Variants in KANSL1L observed in about 807,000 individuals in gnomAD.
KANSL1L encodes KAT8 regulatory NSL complex subunit 1 like, also known as KAT8 regulatory NSL complex subunit 1-like protein.
A neutral mutation model predicts 108.6 loss-of-function variants in KANSL1L; 25 were observed. The ratio of observed to expected loss-of-function variants is 0.23; its 90% CI spans 0.17 to 0.32. The LOEUF (loss-of-function observed/expected upper bound fraction) is 0.32, where lower values mean the gene tolerates loss of function less well. Ranked by LOEUF, KANSL1L falls within the 10% of genes least tolerant of loss-of-function variation. The pLI is 1.00. For missense variants in KANSL1L, 1,137 were observed against 1,125.7 expected (o/e 1.01, Z -0.14); for synonymous variants, 405 against 395.1 (o/e 1.03, Z -0.30).
chr2:210,047,425 C>T (rs900519292), intron 6 of KANSL1L, among the ~76,000 whole-genome samples: 4 of 152,140 alleles, frequency 2.6e-5, no homozygotes, highest in Non-Finnish European at 5.9e-5. Context: ...TTTCTACCTT[C>T]CACAAGACAC....
At chr2:210,172,319 C>A (rs764880679), upstream of KANSL1L, among the ~76,000 whole-genome samples, 13 of 152,136 alleles carry the variant, frequency 8.5e-5, no homozygotes, top group Non-Finnish European at 1.6e-4. Flanking sequence ...ATTTAAGGAA[C>A]GAAGAGCACT....
upstream of KANSL1L, chr2:210,171,896 G>T (rs965348736): frequency 6.6e-6 from 1 of 151,980 alleles, no homozygotes; most frequent in Non-Finnish European, 1.5e-5. Context: ...TTTTATTTGG[G>T]CCGTGCGTTC....
chr2:210,107,756 A>G (rs1016455380), intron 3 of KANSL1L, among the ~76,000 whole-genome samples: 11 of 151,974 alleles, frequency 7.2e-5, no homozygotes, highest in African/African-American at 2.4e-4. Context: ...GATGGTCTCA[A>G]TCTCCTGACC....
intron 5 of KANSL1L, among the ~76,000 whole-genome samples, chr2:210,093,262 C>T (rs1417060231): frequency 6.6e-6 from 1 of 152,184 alleles, no homozygotes; most frequent in Non-Finnish European, 1.5e-5. Context: ...TCTCGTGCCT[C>T]AGCCTCCCAA....
At chr2:210,052,051 A>G (rs2094298589) in intron 6 of KANSL1L, among the ~76,000 whole-genome samples, 2 of 137,142 alleles carry the variant, frequency 1.5e-5, no homozygotes, top group South Asian at 2.2e-4. Context: ...CCCACGGTGG[A>G]GAGTGGTGGC....
intron 2 of KANSL1L, among the ~76,000 whole-genome samples, chr2:210,144,370 C>T (rs936270390): frequency 2.6e-5 from 4 of 152,186 alleles, no homozygotes; most frequent in African/African-American, 4.8e-5. Flanking sequence ...AGATTTGTGA[C>T]GTTTTCAATC....
chr2:210,074,642 A>G (rs2094529946), intron 6 of KANSL1L, among the ~76,000 whole-genome samples: 1 of 152,218 alleles, frequency 6.6e-6, no homozygotes, highest in South Asian at 2.1e-4. Flanking sequence ...GGAATAAGCC[A>G]CCGTGCCGGG....
chr2:210,154,458 C>T lies in KANSL1L; in HGVS notation c.125G>A (p.Gly42Glu), dbSNP rs1001134724. 35 of 1,613,234 alleles carry T rather than the reference C, an allele frequency of 2.2e-5. No individual in the cohort carries two copies. Among genetic ancestry groups the T allele is most frequent in the Non-Finnish European group, 3.0e-5 (35 of 1,179,668 alleles). The change falls in exon 2 of 15, where the codon GGA (glycine) becomes GAA (glutamate). Residue 42 changes from glycine (G) to glutamate (E), a missense_variant. By Grantham distance (98) the Gly-to-Glu change is moderately conservative. Coordinates refer to ENST00000281772, the MANE Select transcript of KANSL1L (RefSeq NM_152519.4). ...SPRTVDEKLK[G>E]DTFSQMLGFP... ...TCCAAGCATCTGAGAAAAGGTGTCTCCCTTTAGCTTTTCATCTACAGTTCT... is the reference window on the plus strand; with the variant it reads ...TCCAAGCATCTGAGAAAAGGTGTCTTCCTTTAGCTTTTCATCTACAGTTCT...
At chr2:210,066,839 G>A (rs1375953006) in intron 6 of KANSL1L, among the ~76,000 whole-genome samples, 1 of 152,166 alleles carries the variant, frequency 6.6e-6, no homozygotes, top group Admixed American at 6.5e-5. Flanking sequence ...GCTGTTATGA[G>A]CCCTGTGATG....
rs772744991 is a variant in KANSL1L, at chr2:210,075,572, T to C, written c.1735A>G (p.Thr579Ala). The C allele has an allele frequency of 4.3e-6, 7 of 1,613,712 alleles. No homozygotes were observed. In the Admixed American group the frequency reaches 5.0e-5, roughly 12 times the overall value. Residue 579 changes from threonine to alanine, a missense_variant, in exon 6 of 15, where the codon ACT becomes GCT. Thr to Ala is a moderately conservative substitution (Grantham distance 58). Transcript: ENST00000281772. ...HKRKLYRLSPTFYWTPQTLPS... is the reference protein window; with the variant it reads ...HKRKLYRLSPAFYWTPQTLPS... The stretch of plus-strand genomic sequence containing the variant: ...CTTACCTGTGGAGTCCAATAAAAAG[T>C]AGGGCTCAATCTGTACAGTTTTCGT...
At chr2:210,070,180 A>C (rs2094496410) in intron 6 of KANSL1L, among the ~76,000 whole-genome samples, 1 of 141,936 alleles carries the variant, frequency 7.0e-6, no homozygotes, top group South Asian at 2.2e-4. Context: ...CTCTGCCTTC[A>C]TCTTCATATA....
At chr2:210,121,409 A>T (rs2095019398) in intron 3 of KANSL1L, among the ~76,000 whole-genome samples, 1 of 152,198 alleles carries the variant, frequency 6.6e-6, no homozygotes, top group African/African-American at 2.4e-5. Flanking sequence ...AAAACCAAAT[A>T]TCGCATGTTC....
intron 1 of KANSL1L, among the ~76,000 whole-genome samples, chr2:210,162,222 G>GTATATA (rs71043976): frequency 0.41 from 44,082 of 107,366 alleles, 10,779 homozygotes; most frequent in Admixed American, 0.57. Context: ...AGTGGTTCAG[G>GTATATA]TATATATATA....
intron 3 of KANSL1L, among the ~76,000 whole-genome samples, chr2:210,110,358 T>C (rs1004600557): frequency 1.3e-5 from 2 of 152,266 alleles, no homozygotes; most frequent in Non-Finnish European, 2.9e-5. Flanking sequence ...AAAGGTTTTC[T>C]CAATCCTATC....
At chr2:210,055,907 ATAAG>A (rs981633110) in intron 6 of KANSL1L, among the ~76,000 whole-genome samples, 2 of 152,266 alleles carry the variant, frequency 1.3e-5, no homozygotes, top group Non-Finnish European at 2.9e-5. Context: ...AGAAATCTGC[ATAAG>A]TAACAAGGAG....
chr2:210,067,780 A>G (rs1441525854), intron 6 of KANSL1L, among the ~76,000 whole-genome samples: 1 of 151,358 alleles, frequency 6.6e-6, no homozygotes, highest in Admixed American at 6.6e-5. Flanking sequence ...TTGATAAGCA[A>G]TGATTTTAAA....
In KANSL1L at chr2:210,171,293, CCGGCCGCCGCCGCCGCCGCCGCCG is replaced by C. The variant is rs1688321812; in HGVS notation, c.-198_-175del. 5.8e-6 allele frequency: 1 copy of C among 171,730 alleles called. No individual in the cohort carries two copies. The highest frequency in any genetic ancestry group is 1.1e-5 in the Non-Finnish European group (1 of 89,014). 10.6% of individuals were successfully genotyped at this position (171,730 alleles called of 1,614,324 possible). On this transcript the variant is annotated 5_prime_UTR_variant, in exon 1 of 15. Coordinates refer to ENST00000281772, the MANE Select transcript of KANSL1L (RefSeq NM_152519.4). ...CTCCAGAGCGCGCCCCGCTCCCGCC[CCGGCCGCCGCCGCCGCCGCCGCCG>C]CCGCCGCCGCCGCCGCCGCCGCCGC...
Position 210,153,615 on chromosome 2 carries a change from C to T in KANSL1L, c.968G>A (p.Arg323Lys). 6.2e-7 allele frequency: 1 copy of T among 1,613,782 alleles called. No homozygotes were observed. Among genetic ancestry groups the T allele is most frequent in the Non-Finnish European group, 8.5e-7 (1 of 1,179,898 alleles). ...CAGCCCTGTAGCAGAAAATGCAAAT[C>T]TTTGGATTTCCGCAGCTGTACACCG... ...FARCTAAEIQRFAFSATGLLS... is the reference protein window; with the variant it reads ...FARCTAAEIQKFAFSATGLLS... Residue 323 changes from arginine (R) to lysine (K), a missense_variant, in exon 2 of 15, where the codon AGA becomes AAA. Physicochemically the swap from Arg to Lys is conservative, Grantham distance 26. This residue lies in a region of KANSL1L where 556 missense variants were observed against 537.7 expected (regional missense o/e 1.03). Coordinates refer to ENST00000281772, the MANE Select transcript of KANSL1L (RefSeq NM_152519.4).
intron 3 of KANSL1L, among the ~76,000 whole-genome samples, chr2:210,110,348 A>G (rs1356453312): frequency 6.6e-6 from 1 of 152,210 alleles, no homozygotes; most frequent in African/African-American, 2.4e-5. Context: ...TTTATTATTC[A>G]AAGGTTTTCT....
Sources: allele counts gnomAD v4.1 joint callset (sites outside exome capture counted in the v4.1 genomes callset), GRCh38; gene constraint gnomAD v4.1.1; regional missense constraint gnomAD v4.1.1; transcripts MANE v1.5; gene names NCBI Gene and HGNC (gene_info 2026-07-23, HGNC 2026-07-21).